Variants in VMA12 observed in about 807,000 individuals in gnomAD.
The protein encoded by VMA12 is vacuolar ATPase assembly protein VMA12.
chr17:28,360,713 C>T, the VMA12 span: 1 of 1,610,814 alleles, frequency 6.2e-7, no homozygotes, highest in South Asian at 1.1e-5. Context: ...CTAAAGGTGC[C>T]CTCTCTGGCT....
the VMA12 span, chr17:28,358,788 C>T: frequency 2.5e-5 from 18 of 722,344 alleles, no homozygotes; most frequent in African/African-American, 3.2e-4. Flanking sequence ...GAAAATGATC[C>T]TGGAAATGGA....
chr17:28,360,889 T>G, the VMA12 span: 1 of 1,532,234 alleles, frequency 6.5e-7, no homozygotes, highest in Non-Finnish European at 9.0e-7. Flanking sequence ...CTGGTGGGGG[T>G]GTTAGTGGGT....
the VMA12 span, chr17:28,360,093 A>C: frequency 6.2e-6 from 1 of 161,750 alleles, no homozygotes; most frequent in Non-Finnish European, 1.4e-5. Flanking sequence ...TCAGCCTCCC[A>C]AGTAGCTGGG....
the VMA12 span, chr17:28,359,509 A>C: frequency 9.3e-7 from 1 of 1,081,020 alleles, no homozygotes; most frequent in African/African-American, 1.6e-5. Context: ...CTTGGTTTCT[A>C]TACTGTTCAG....
the VMA12 span, chr17:28,361,452 A>G: frequency 7.0e-6 from 4 of 575,310 alleles, no homozygotes; most frequent in Non-Finnish European, 1.2e-5. Flanking sequence ...GATTGAGATA[A>G]CACATCTTTA....
the VMA12 span, among the ~76,000 whole-genome samples, chr17:28,358,670 T>A: frequency 6.6e-6 from 1 of 152,208 alleles, no homozygotes; most frequent in African/African-American, 2.4e-5. Context: ...AGTAAATGGC[T>A]TACTTGTTAG....
chr17:28,359,861 ACACTGCAC>A, the VMA12 span, among the ~76,000 whole-genome samples: 1 of 152,166 alleles, frequency 6.6e-6, no homozygotes, highest in Non-Finnish European at 1.5e-5. Flanking sequence ...CTGTGAGCCA[ACACTGCAC>A]CATTGCACTC....
At chr17:28,359,480 T>G in the VMA12 span, 1 of 1,426,316 alleles carries the variant, frequency 7.0e-7, no homozygotes, top group African/African-American at 1.4e-5. Context: ...AGATACAGAG[T>G]TTAGAAAAAA....
the VMA12 span, chr17:28,358,051 C>T: frequency 4.3e-6 from 3 of 704,116 alleles, no homozygotes; most frequent in Non-Finnish European, 6.9e-6. Context: ...GGGAATTTCT[C>T]GTGGATGACA....
At chr17:28,359,057 T>G in the VMA12 span, 1 of 1,402,062 alleles carries the variant, frequency 7.1e-7, no homozygotes, top group Non-Finnish European at 9.8e-7. Context: ...TACACTGAAC[T>G]TATAAATCAA....
chr17:28,357,847 C>T, the VMA12 span: 10 of 1,613,984 alleles, frequency 6.2e-6, no homozygotes, highest in Admixed American at 3.3e-5. Context: ...CTTTCCGTCT[C>T]ATCCGGGATC....
At chr17:28,361,233 G>A in the VMA12 span, 3 of 1,614,144 alleles carry the variant, frequency 1.9e-6, no homozygotes, top group African/African-American at 1.3e-5. Context: ...GCAATGGAAG[G>A]CGAGCTGGGA....
chr17:28,360,414 T>C, the VMA12 span: 650 of 972,678 alleles, frequency 6.7e-4, 1 homozygote, highest in Non-Finnish European at 8.3e-4. Context: ...GACAAAAGAA[T>C]CCATGGGGAG....
the VMA12 span, chr17:28,358,027 T>G: frequency 1.2e-6 from 1 of 811,684 alleles, no homozygotes; most frequent in Non-Finnish European, 1.9e-6. Context: ...GCCACCCACT[T>G]TCTTAACTCC....
At chr17:28,357,854 G>C in the VMA12 span, 3 of 1,613,936 alleles carry the variant, frequency 1.9e-6, no homozygotes, top group African/African-American at 2.7e-5. Flanking sequence ...TCTCATCCGG[G>C]ATCTGCACCA....
the VMA12 span, chr17:28,360,584 G>A: frequency 6.2e-7 from 1 of 1,614,168 alleles, no homozygotes; most frequent in Non-Finnish European, 8.5e-7. Context: ...GAGGTACTAG[G>A]AGATCAGGCT....
chr17:28,361,317 G>A, the VMA12 span: 32 of 1,500,196 alleles, frequency 2.1e-5, 1 homozygote, highest in South Asian at 1.7e-4. Context: ...GGCAGTCACC[G>A]ACTCAGTCAA....
chr17:28,359,042 C>G, the VMA12 span: 5 of 1,457,910 alleles, frequency 3.4e-6, no homozygotes, highest in African/African-American at 7.1e-5. Context: ...TGGGCTTATC[C>G]ATGATACACT....
At chr17:28,361,053 A>G in the VMA12 span, 1 of 1,162,810 alleles carries the variant, frequency 8.6e-7, no homozygotes, top group Non-Finnish European at 1.3e-6. Context: ...CCCCTCCCCC[A>G]ACTTAGAGGG....
Sources: gnomAD v4.1 joint callset for allele counts (sites outside exome capture counted in the v4.1 genomes callset) on GRCh38, gnomAD v4.1.1 for gene constraint, MANE v1.5 for transcripts, NCBI Gene and HGNC (gene_info 2026-07-23, HGNC 2026-07-21) for gene names.